KCNJ16: variants seen among roughly 807,000 people sequenced by gnomAD.
KCNJ16 encodes potassium inwardly rectifying channel subfamily J member 16, also known as inward rectifier potassium channel 16.
KCNJ16 carries 15 observed loss-of-function variants against 18.5 expected under a neutral mutation model. That is an observed-to-expected ratio of 0.81 (90% confidence interval 0.54 to 1.25). The LOEUF is 1.25. Among genes scored for constraint, KCNJ16 ranks in the 50% most tolerant of loss-of-function variants. KCNJ16 has a pLI of 0.00. For missense variants in KCNJ16, 523 were observed against 525.7 expected (o/e 0.99, Z 0.05); for synonymous variants, 174 against 186.5 (o/e 0.93, Z 0.55).
chr17:70,088,036 A>AT (rs1479319481), intron 1 of KCNJ16, among the ~76,000 whole-genome samples: 11 of 150,724 alleles, frequency 7.3e-5, no homozygotes, highest in African/African-American at 2.4e-4. Flanking sequence ...AAAAAAAAAA[A>AT]AAAAAGTAAA....
At chr17:70,090,717 C>T (rs1167915392) in intron 1 of KCNJ16, among the ~76,000 whole-genome samples, 1 of 151,376 alleles carries the variant, frequency 6.6e-6, no homozygotes, top group Non-Finnish European at 1.5e-5. Context: ...CACAATACCG[C>T]TAACCCACTC....
At position 70,076,263 on chromosome 17, in the gene KCNJ16, A is replaced by C. The variant is rs139698136; in HGVS notation, c.-300+873A>C. On this transcript the variant is annotated intron_variant, in intron 1 of 3. Coordinates refer to ENST00000392671, the MANE Select transcript of KCNJ16 (RefSeq NM_170741.4). ...AAGAGCCAGATCCTGAAGAAGAAAA[A>C]AATGTATGAATGCACCTTTGTTACT... Among the ~76,000 whole-genome samples, 40 of 152,274 alleles carry C rather than the reference A, an allele frequency of 2.6e-4. 1 individual carries two copies. Among genetic ancestry groups the C allele is most frequent in the African/African-American group, 9.1e-4 (38 of 41,568 alleles).
At chr17:70,131,194 CAAAA>C (rs36047658) in intron 3 of KCNJ16, among the ~76,000 whole-genome samples, 3 of 85,796 alleles carry the variant, frequency 3.5e-5, no homozygotes, top group Non-Finnish European at 2.8e-5. Context: ...CTGCCAGTGT[CAAAA>C]AAAAAAAAAA....
rs8068029 is a variant in KCNJ16, at chr17:70,077,163, C to G, written c.-300+1773C>G. Among the ~76,000 whole-genome samples, 815 of 152,296 alleles carry G rather than the reference C, an allele frequency of 5.4e-3. 7 individuals are homozygous for G. The highest frequency in any genetic ancestry group is 0.019 in the African/African-American group (775 of 41,564). ...GGCCAGTGTGGCTGAAGCAAAATTG[C>G]AGGAGTGGGAGTAGCAGGGAATACA... On this transcript the variant is annotated intron_variant, in intron 1 of 3. Transcript: ENST00000392671.
chr17:70,134,621 G>A lies in KCNJ16; in HGVS notation c.*1277G>A, dbSNP rs976191768. Reference sequence around the variant, plus strand: ...TAAGCCCACATCCACTGAGTAAAGAGTCACTTTAAACTTTATAAATCAAAG... The same window carrying A: ...TAAGCCCACATCCACTGAGTAAAGAATCACTTTAAACTTTATAAATCAAAG... On this transcript the variant is annotated 3_prime_UTR_variant, in exon 4 of 4. Coordinates refer to ENST00000392671, the MANE Select transcript of KCNJ16 (RefSeq NM_170741.4). 18 of 167,036 alleles carry A rather than the reference G, an allele frequency of 1.1e-4. No individual in the cohort carries two copies. The highest frequency in any genetic ancestry group is 4.3e-4 in the African/African-American group (18 of 41,434). The allele number at this position is 167,036 out of a possible 1,614,324, so 10.3% of individuals were successfully genotyped here.
intron 2 of KCNJ16, among the ~76,000 whole-genome samples, chr17:70,114,378 G>C (rs2144048674): frequency 6.6e-6 from 1 of 152,266 alleles, no homozygotes; most frequent in Non-Finnish European, 1.5e-5. Context: ...TAGCAACAGA[G>C]AGACAGGAGT....
intron 1 of KCNJ16, among the ~76,000 whole-genome samples, chr17:70,100,101 T>C (rs916906315): frequency 1.3e-5 from 2 of 152,126 alleles, no homozygotes; most frequent in African/African-American, 2.4e-5. Flanking sequence ...CAGGAAGCCC[T>C]CAGGCCGGCA....
intron 1 of KCNJ16, among the ~76,000 whole-genome samples, chr17:70,090,709 C>T (rs538384717): frequency 1.3e-5 from 2 of 151,878 alleles, no homozygotes; most frequent in African/African-American, 4.8e-5. Context: ...AACCCACTCA[C>T]AATACCGCTA....
intron 2 of KCNJ16, among the ~76,000 whole-genome samples, chr17:70,120,429 T>G (rs1653290262): frequency 6.6e-6 from 1 of 152,170 alleles, no homozygotes; most frequent in Admixed American, 6.5e-5. Flanking sequence ...TTTTCTATAT[T>G]AGGTTCTTTT....
intron 2 of KCNJ16, among the ~76,000 whole-genome samples, chr17:70,106,249 A>C (rs926861902): frequency 6.6e-6 from 1 of 152,204 alleles, no homozygotes; most frequent in African/African-American, 2.4e-5. Context: ...GAAGTTCTGA[A>C]AGTCTACAAT....
chr17:70,109,642 A>T (rs1213398944), intron 2 of KCNJ16, among the ~76,000 whole-genome samples: 1 of 152,090 alleles, frequency 6.6e-6, no homozygotes, highest in Admixed American at 6.6e-5. Flanking sequence ...CAGCAGCTCA[A>T]CTGAATTTCC....
intron 1 of KCNJ16, among the ~76,000 whole-genome samples, chr17:70,083,448 T>C (rs181733362): frequency 1.1e-4 from 16 of 151,906 alleles, no homozygotes; most frequent in African/African-American, 3.9e-4. Flanking sequence ...GCATATATGA[T>C]GGTGGTCTCA....
At chr17:70,082,853 G>C (rs1467707791) in intron 1 of KCNJ16, among the ~76,000 whole-genome samples, 1 of 152,144 alleles carries the variant, frequency 6.6e-6, no homozygotes, top group Non-Finnish European at 1.5e-5. Context: ...TCAGCAGAAA[G>C]AACACTGGGC....
intron 1 of KCNJ16, among the ~76,000 whole-genome samples, chr17:70,092,399 A>T (rs2072128778): frequency 6.6e-6 from 1 of 152,156 alleles, no homozygotes; most frequent in African/African-American, 2.4e-5. Context: ...AGCATGAGTT[A>T]TGTAAGAGGC....
At chr17:70,090,716 G>A (rs12942225) in intron 1 of KCNJ16, among the ~76,000 whole-genome samples, 117,238 of 137,782 alleles carry the variant, frequency 0.85, 49,957 homozygotes, top group East Asian at 0.95. Flanking sequence ...TCACAATACC[G>A]CTAACCCACT....
At chr17:70,129,414 T>A (rs2073979570) in intron 2 of KCNJ16, among the ~76,000 whole-genome samples, 2 of 152,322 alleles carry the variant, frequency 1.3e-5, no homozygotes, top group South Asian at 4.1e-4. Flanking sequence ...TAATAAATAT[T>A]TCATCTAGTT....
intron 2 of KCNJ16, among the ~76,000 whole-genome samples, chr17:70,120,935 A>G (rs1217858696): frequency 1.3e-5 from 2 of 152,206 alleles, no homozygotes; most frequent in African/African-American, 4.8e-5. Flanking sequence ...AACCAGTTAG[A>G]CTTAAAAGCT....
intron 1 of KCNJ16, among the ~76,000 whole-genome samples, chr17:70,098,522 C>A (rs138121814): frequency 1.3e-5 from 2 of 149,840 alleles, no homozygotes; most frequent in East Asian, 3.9e-4. Flanking sequence ...AATCTTCTTT[C>A]TTTTCCCTTT....
intron 2 of KCNJ16, among the ~76,000 whole-genome samples, chr17:70,112,939 C>A (rs140688815): frequency 7.8e-4 from 118 of 152,252 alleles, no homozygotes; most frequent in Middle Eastern, 3.4e-3. Context: ...AGATTATCTG[C>A]CGGATGAATT....
Sources: gnomAD v4.1 joint callset for allele counts (sites outside exome capture counted in the v4.1 genomes callset) on GRCh38, gnomAD v4.1.1 for gene constraint, MANE v1.5 for transcripts, NCBI Gene and HGNC (gene_info 2026-07-23, HGNC 2026-07-21) for gene names.